TBC1D5: variants seen among roughly 807,000 people sequenced by gnomAD.
The protein encoded by TBC1D5 is TBC1 domain family, member 5.
Under a neutral mutation model 100.3 loss-of-function variants are expected in TBC1D5, and 75 were observed. The ratio of observed to expected loss-of-function variants is 0.75; its 90% CI spans 0.62 to 0.91. The LOEUF (loss-of-function observed/expected upper bound fraction) is 0.91. Among genes scored for constraint, TBC1D5 ranks in the 40% least tolerant of loss-of-function variants. The probability of loss-of-function intolerance (pLI) is 0.00; values close to 1 mark genes in which losing one functional copy is unlikely to be tolerated. For synonymous variants in TBC1D5, 323 were observed against 325.6 expected, an observed-to-expected ratio of 0.99 and a Z score of 0.09; for missense variants, 910 against 942.4, an observed-to-expected ratio of 0.97 and a Z score of 0.45.
chr3:17,406,499 G>A (rs1401789867), exon 5 of TBC1D5: 5 of 1,611,520 alleles, frequency 3.1e-6, no homozygotes, highest in Non-Finnish European at 4.2e-6. Flanking sequence ...AGTAATTGTT[G>A]TTTACAAATA....
rs377712903 is a variant in TBC1D5, at chr3:17,647,805, T to C, written c.-100-23892A>G. Reference sequence around the variant, plus strand: ...TGATAATCATTACAAAAGAATGACTTTGATCCTAGGTAAAGAACAAATCTG... The same window carrying C: ...TGATAATCATTACAAAAGAATGACTCTGATCCTAGGTAAAGAACAAATCTG... On this transcript the variant is annotated intron_variant, in intron 1 of 21. Coordinates refer to ENST00000253692, the Ensembl canonical transcript of TBC1D5. 4.6e-5 allele frequency among the ~76,000 whole-genome samples: 7 copies of C among 152,266 alleles called. No individual in the cohort carries two copies. The East Asian group carries it at 1.2e-3, about 25-fold the overall frequency.
intron 15 of TBC1D5, among the ~76,000 whole-genome samples, chr3:17,271,291 C>T (rs562531405): frequency 2.7e-4 from 41 of 152,038 alleles, no homozygotes; most frequent in Non-Finnish European, 7.4e-5. Context: ...TGATTTCTTT[C>T]GGCAGTGTTT....
At position 17,644,894 on chromosome 3, in the gene TBC1D5, T is replaced by C. The variant is rs149033668; in HGVS notation, c.-100-20981A>G. 2.0e-3 allele frequency among the ~76,000 whole-genome samples: 305 copies of C among 152,232 alleles called. 3 individuals are homozygous for C. The highest frequency in any genetic ancestry group is 0.017 in the Middle Eastern group (5 of 294). ...AAGATTATGGTTGCAGGATTTATGA[T>C]GACTTCATTTTTGGGTGAAAATTTT... On this transcript the variant is annotated intron_variant, in intron 1 of 21. Transcript: ENST00000253692.
intron 1 of TBC1D5, among the ~76,000 whole-genome samples, chr3:17,666,571 C>T (rs1395632032): frequency 2.0e-5 from 3 of 152,014 alleles, no homozygotes; most frequent in Admixed American, 6.5e-5. Flanking sequence ...GCAGTATTTA[C>T]CCTTCAAGTT....
chr3:17,605,628 A>C (rs1036967729), intron 2 of TBC1D5, among the ~76,000 whole-genome samples: 5 of 152,214 alleles, frequency 3.3e-5, no homozygotes, highest in African/African-American at 9.6e-5. Context: ...CATGCAGGAA[A>C]ACAAAGTTCA....
At chr3:17,167,410 T>C (rs567956454) in intron 20 of TBC1D5, among the ~76,000 whole-genome samples, 38 of 152,346 alleles carry the variant, frequency 2.5e-4, no homozygotes, top group African/African-American at 8.7e-4. Context: ...GTACTAATTA[T>C]GACTTGTGCC....
intron 17 of TBC1D5, 123 bp downstream of exon 17, chr3:17,238,040 A>G (rs1379253809): frequency 1.5e-6 from 2 of 1,367,664 alleles, no homozygotes; most frequent in South Asian, 1.5e-5. Context: ...TTTATATAAC[A>G]TATTTAAAAA....
chr3:17,243,156 T>C (rs2076444508), intron 16 of TBC1D5, among the ~76,000 whole-genome samples: 1 of 152,200 alleles, frequency 6.6e-6, no homozygotes, highest in Non-Finnish European at 1.5e-5. Context: ...AATCTTCTGT[T>C]AATGAGTTGT....
At chr3:17,412,669 C>G (rs2093961112) in intron 4 of TBC1D5, among the ~76,000 whole-genome samples, 1 of 152,010 alleles carries the variant, frequency 6.6e-6, no homozygotes, top group African/African-American at 2.4e-5. Flanking sequence ...CATCGAAATG[C>G]TTTTAAAAGA....
chr3:17,194,765 A>G (rs2125691306), intron 18 of TBC1D5, among the ~76,000 whole-genome samples: 1 of 152,348 alleles, frequency 6.6e-6, no homozygotes, highest in Non-Finnish European at 1.5e-5. Flanking sequence ...GCCTTTAGAA[A>G]CATGCTTTTA....
intron 19 of TBC1D5, among the ~76,000 whole-genome samples, chr3:17,175,731 T>G (rs1267713200): frequency 2.6e-5 from 4 of 152,234 alleles, no homozygotes; most frequent in Non-Finnish European, 4.4e-5. Flanking sequence ...AGTAAGACTC[T>G]TTGAACTGGG....
chr3:17,621,252 C>A (rs367666241), intron 2 of TBC1D5, among the ~76,000 whole-genome samples: 3 of 152,132 alleles, frequency 2.0e-5, no homozygotes, highest in South Asian at 4.1e-4. Flanking sequence ...TGTATAAATA[C>A]AGATGCATGT....
intron 2 of TBC1D5, among the ~76,000 whole-genome samples, chr3:17,553,481 C>T (rs2096490544): frequency 6.6e-6 from 1 of 152,072 alleles, no homozygotes; most frequent in Non-Finnish European, 1.5e-5. Context: ...TTCTCTTGAT[C>T]CAGAAAATCC....
chr3:17,188,174 C>T (rs138220322), intron 18 of TBC1D5, among the ~76,000 whole-genome samples: 179 of 152,198 alleles, frequency 1.2e-3, no homozygotes, highest in African/African-American at 4.1e-3. Context: ...ATAAAGACTG[C>T]GATGAGACTG....
intron 1 of TBC1D5, among the ~76,000 whole-genome samples, chr3:17,632,782 T>C (rs778113754): frequency 2.6e-5 from 4 of 152,226 alleles, no homozygotes; most frequent in Non-Finnish European, 4.4e-5. Context: ...CGTTGTTTTT[T>C]ACACATAATG....
chr3:17,295,775 T>G (rs531434513), intron 14 of TBC1D5, among the ~76,000 whole-genome samples: 3 of 152,214 alleles, frequency 2.0e-5, no homozygotes, highest in Non-Finnish European at 4.4e-5. Context: ...CAGACTTTCT[T>G]TAATTTCTTG....
intron 1 of TBC1D5, among the ~76,000 whole-genome samples, chr3:17,704,689 G>A (rs1441970133): frequency 2.9e-4 from 17 of 57,960 alleles, no homozygotes; most frequent in African/African-American, 4.6e-4. Context: ...GCGGCTGGCC[G>A]GGCGGGGGGC....
intron 2 of TBC1D5, among the ~76,000 whole-genome samples, chr3:17,538,835 T>TG (rs2096314581): frequency 6.6e-6 from 1 of 152,148 alleles, no homozygotes; most frequent in Non-Finnish European, 1.5e-5. Context: ...GGCCAGGAGT[T>TG]GAAGATCAGC....
chr3:17,690,358 AG>A lies in TBC1D5; in HGVS notation c.-101+48984del, dbSNP rs2070962737. On this transcript the variant is annotated intron_variant, in intron 1 of 21. Coordinates refer to ENST00000253692, the Ensembl canonical transcript of TBC1D5. ...CAGCCTCCCAAGTAGCTGGGACTAC[AG>A]GCGCCCGCCACTACGCCCGGCTAAT... Among the ~76,000 whole-genome samples, 2 of 82,314 alleles carry A rather than the reference AG, an allele frequency of 2.4e-5. 1 individual carries two copies. The highest frequency in any genetic ancestry group is 4.9e-5 in the Non-Finnish European group (2 of 40,868). 54.0% of individuals were successfully genotyped at this position (82,314 alleles called of 152,430 possible).
Sources: gnomAD v4.1 joint callset for allele counts (sites outside exome capture counted in the v4.1 genomes callset) on GRCh38, gnomAD v4.1.1 for gene constraint, MANE v1.5 for transcripts, NCBI Gene and HGNC (gene_info 2026-07-23, HGNC 2026-07-21) for gene names.